The following DRG2 variants were observed in gnomAD, a reference collection of about 807,000 sequenced individuals.
The protein encoded by DRG2 is developmentally regulated GTP binding protein 2, also known as developmentally-regulated GTP-binding protein 2.
Under a neutral mutation model 53.4 loss-of-function variants are expected in DRG2, and 36 were observed. The observed-to-expected ratio is 0.67, with a 90% CI of 0.52 to 0.89. The LOEUF (loss-of-function observed/expected upper bound fraction) is 0.89, where lower values mean the gene tolerates loss of function less well. Among genes scored for constraint, DRG2 ranks in the 40% least tolerant of loss-of-function variants. The probability of loss-of-function intolerance (pLI) is 0.00; values close to 1 mark genes in which losing one functional copy is unlikely to be tolerated. For missense variants in DRG2, 342 were observed against 481.2 expected (o/e 0.71, Z 2.71); for synonymous variants, 167 against 192.1 (o/e 0.87, Z 1.08).
Position 18,103,706 on chromosome 17 carries a change from C to A in DRG2, c.807-95C>A. On this transcript the variant is annotated intron_variant, in intron 9 of 12. Transcript: ENST00000225729. The surrounding 1 kb of genome is among the most constrained non-coding windows in gnomAD (Gnocchi z 4.4). ...TGTGGGTACCAGCGGGCCACCTGGC[C>A]AGTGGAGGTTATCCGCTCCAATAGT... The A allele has an allele frequency of 8.5e-7, 1 of 1,179,558 alleles. No homozygotes were observed. The allele number at this position is 1,179,558 out of a possible 1,614,324, so 73.1% of individuals were successfully genotyped here.
chr17:18,099,178 C>T lies in DRG2; in HGVS notation c.376+101C>T. 1 of 1,463,528 alleles carries T rather than the reference C, an allele frequency of 6.8e-7. No homozygotes were observed. Among genetic ancestry groups the T allele is most frequent in the Non-Finnish European group, 9.5e-7 (1 of 1,057,692 alleles). 90.7% of individuals were successfully genotyped at this position (1,463,528 alleles called of 1,614,324 possible). On this transcript the variant is annotated intron_variant, in intron 4 of 12. Transcript: ENST00000225729. The surrounding 1 kb of genome is among the most constrained non-coding windows in gnomAD (Gnocchi z 4.4). ...TGGAGATCACTCTGGATCCCTGGTC[C>T]ATTATCCCGCTTTCCAGAAAAGACA... is the stretch of plus-strand genomic sequence containing the variant.
At position 18,099,825 on chromosome 17, in the gene DRG2, G is replaced by A. The variant is rs529713924; in HGVS notation, c.467+102G>A. 96 of 1,158,124 alleles carry A rather than the reference G, an allele frequency of 8.3e-5. No homozygotes were observed. Among genetic ancestry groups the A allele is most frequent in the East Asian group, 2.1e-4 (8 of 38,990 alleles). The allele number at this position is 1,158,124 out of a possible 1,614,324, so 71.7% of individuals were successfully genotyped here. A position where few individuals can be genotyped will look rare whatever the true frequency, so the allele number is the denominator to read the frequency against. ...CTGTGGGTGTTTGGCTCTCTCACACGTGAGAGTAGTGGTAGGACTTGTCAC... is the reference window on the plus strand; with the variant it reads ...CTGTGGGTGTTTGGCTCTCTCACACATGAGAGTAGTGGTAGGACTTGTCAC... On this transcript the variant is annotated intron_variant, in intron 5 of 12. Coordinates refer to ENST00000225729, the MANE Select transcript of DRG2 (RefSeq NM_001388.5). The surrounding 1 kb of genome is among the most constrained non-coding windows in gnomAD (Gnocchi z 4.4).
chr17:18,094,118 C>T, intron 2 of DRG2, 145 bp downstream of exon 2: 2 of 1,086,778 alleles, frequency 1.8e-6, no homozygotes, highest in African/African-American at 1.6e-5. Flanking sequence ...GATCCCAGCC[C>T]TTTATCATCC....
At chr17:18,106,116 CT>C (rs2045625276) in intron 11 of DRG2, 1 of 404,848 alleles carries the variant, frequency 2.5e-6, no homozygotes. Flanking sequence ...AAAGGAGCAT[CT>C]GTTCAGGCAA....
At chr17:18,089,936 G>A (rs1050582963) in intron 1 of DRG2, among the ~76,000 whole-genome samples, 5 of 152,016 alleles carry the variant, frequency 3.3e-5, no homozygotes, top group Non-Finnish European at 7.4e-5. Context: ...GGGAGCTGGT[G>A]CAGGGTGTTA....
rs1028450159 is a variant in DRG2 at position 18,094,074 on chromosome 17, A to G, written c.225+101A>G. 84 of 1,473,534 alleles carry G rather than the reference A, an allele frequency of 5.7e-5. No homozygotes were observed. In the African/African-American group the frequency reaches 9.4e-4, roughly 16 times the overall value. 91.3% of individuals were successfully genotyped at this position (1,473,534 alleles called of 1,614,324 possible). A position where few individuals can be genotyped will look rare whatever the true frequency, so the allele number is the denominator to read the frequency against. On this transcript the variant is annotated intron_variant, in intron 2 of 12. Coordinates refer to ENST00000225729, the MANE Select transcript of DRG2 (RefSeq NM_001388.5). The stretch of plus-strand genomic sequence containing the variant: ...CCTCGCTGCCTTTCTGCTTAGCTCC[A>G]GGGACACAGAAGACCTGGCCTCCCC...
chr17:18,090,381 TATATATATATA>T (rs2045298680), intron 1 of DRG2, among the ~76,000 whole-genome samples: 1 of 17,632 alleles, frequency 5.7e-5, no homozygotes, highest in African/African-American at 4.7e-4. Context: ...TATATATATA[TATATATATATA>T]TATATATATA....
chr17:18,088,102 G>C lies in DRG2; in HGVS notation c.64+15G>C. On this transcript the variant is annotated intron_variant, in intron 1 of 12. Transcript: ENST00000225729. ...GAAGAACAAGGGTGAGGGCCGGCCG[G>C]GCGGGGCCTTCCTTTCTGCCTGCCT... 1.3e-6 allele frequency: 2 copies of C among 1,539,336 alleles called. No individual in the cohort carries two copies. The highest frequency in any genetic ancestry group is 1.8e-6 in the Non-Finnish European group (2 of 1,142,052).
intron 1 of DRG2, among the ~76,000 whole-genome samples, chr17:18,091,591 TCA>T (rs1258399932): frequency 2.6e-5 from 4 of 151,904 alleles, no homozygotes; most frequent in Non-Finnish European, 5.9e-5. Flanking sequence ...TGTTGGTGGC[TCA>T]CACCTGTAAT....
At position 18,098,127 on chromosome 17, in the gene DRG2, C is replaced by T. The variant is rs994214401; in HGVS notation, c.226-143C>T. On this transcript the variant is annotated intron_variant, in intron 2 of 12. Transcript: ENST00000225729. The surrounding 1 kb of genome is among the most constrained non-coding windows in gnomAD (Gnocchi z 4.1). ...GAGGTGAGCCCTCTGGCTGGGAGGTCTCTTCACAGCCACCTAGGTCACCAA... is the reference window on the plus strand; with the variant it reads ...GAGGTGAGCCCTCTGGCTGGGAGGTTTCTTCACAGCCACCTAGGTCACCAA... 2 of 653,026 alleles carry T rather than the reference C, an allele frequency of 3.1e-6. No homozygotes were observed. Among genetic ancestry groups the T allele is most frequent in the Non-Finnish European group, 5.5e-6 (2 of 361,720 alleles). 40.5% of individuals were successfully genotyped at this position (653,026 alleles called of 1,614,324 possible).
chr17:18,094,368 G>A, intron 2 of DRG2: 1 of 159,116 alleles, frequency 6.3e-6, no homozygotes, highest in Non-Finnish European at 1.4e-5. Context: ...CCAGTGGTGA[G>A]GAGTGGGGGC....
rs996037752 is a variant in DRG2, at chr17:18,099,471, C to A, written c.377-162C>A. The A allele has an allele frequency of 4.5e-5, 33 of 738,066 alleles. 1 individual carries two copies. The highest frequency in any genetic ancestry group is 1.8e-4 in the Admixed American group (8 of 45,350). 45.7% of individuals were successfully genotyped at this position (738,066 alleles called of 1,614,324 possible). ...TGTCGGATTTTCTTCTGAAATAAGT[C>A]TCCGTCAGTAAAACATGTGGATTAA... On this transcript the variant is annotated intron_variant, in intron 4 of 12. Transcript: ENST00000225729. The surrounding 1 kb of genome is among the most constrained non-coding windows in gnomAD (Gnocchi z 4.4).
At chr17:18,101,654 C>T in intron 8 of DRG2, 64 bp downstream of exon 8, 1 of 1,492,256 alleles carries the variant, frequency 6.7e-7, no homozygotes, top group South Asian at 1.1e-5. Flanking sequence ...ATTTCCTCAG[C>T]TCCCGGAACC....
rs2142203653 is a variant in DRG2, at chr17:18,103,244, T to G, written c.807-557T>G. On this transcript the variant is annotated intron_variant, in intron 9 of 12. Transcript: ENST00000225729. The surrounding 1 kb of genome is among the most constrained non-coding windows in gnomAD (Gnocchi z 4.4). ...ACAGCTCGGGGTCACGGCGCAAACC[T>G]TCAAGCCACGGTCCACCCAGTATTT... Among the ~76,000 whole-genome samples the G allele has an allele frequency of 6.6e-6, 1 of 152,208 alleles. No homozygotes were observed. Among genetic ancestry groups the G allele is most frequent in the East Asian group, 1.9e-4 (1 of 5,164 alleles).
intron 9 of DRG2, 151 bp downstream of exon 9, chr17:18,102,148 C>A: frequency 1.2e-6 from 1 of 803,210 alleles, no homozygotes; most frequent in Non-Finnish European, 2.0e-6. Flanking sequence ...GACTTCCTGC[C>A]CAGGGCAGAG....
At chr17:18,102,699 C>G (rs547173349) in intron 9 of DRG2, among the ~76,000 whole-genome samples, 1 of 151,764 alleles carries the variant, frequency 6.6e-6, no homozygotes, top group East Asian at 1.9e-4. Flanking sequence ...GGGTGTGAGC[C>G]TACCTCTCCT....
chr17:18,090,389 TATATATATATATA>T (rs1320682821), intron 1 of DRG2, among the ~76,000 whole-genome samples: 9 of 12,700 alleles, frequency 7.1e-4, no homozygotes, highest in African/African-American at 3.1e-3. Context: ...TATATATATA[TATATATATATATA>T]TATATTTTTT....
chr17:18,097,971 G>A (rs2045462155), intron 2 of DRG2: 1 of 241,950 alleles, frequency 4.1e-6, no homozygotes. Context: ...GATTGTGTGG[G>A]GTTAGGAGAG....
chr17:18,107,110 C>T, intron 12 of DRG2, 44 bp from the exon 13 acceptor site: 1 of 1,589,044 alleles, frequency 6.3e-7, no homozygotes, highest in Non-Finnish European at 8.6e-7. Flanking sequence ...TGACCTTGGC[C>T]AGTCCAGGCT....
Sources: allele counts gnomAD v4.1 joint callset (sites outside exome capture counted in the v4.1 genomes callset), GRCh38; gene constraint gnomAD v4.1.1; non-coding constraint Gnocchi (gnomAD v3.1); transcripts MANE v1.5; gene names NCBI Gene and HGNC (gene_info 2026-07-23, HGNC 2026-07-21).